Variants in COMMD2 observed in about 807,000 individuals in gnomAD.
COMMD2 encodes the protein COMM domain-containing protein 2.
In COMMD2, 25 loss-of-function variants were observed where a neutral mutation model predicts 22.5. That is an observed-to-expected ratio of 1.11 (90% CI 0.81 to 1.55). The LOEUF is 1.55. COMMD2 is among the 40% of genes most tolerant of loss of function. The pLI is 0.00. For synonymous variants in COMMD2, 98 were observed against 91.2 expected, an observed-to-expected ratio of 1.07 and a Z score of -0.42; for missense variants, 223 against 232.9, an observed-to-expected ratio of 0.96 and a Z score of 0.28.
chr3:149,750,953 A>G, intron 3 of COMMD2, 102 bp from the exon 4 acceptor site: 2 of 775,488 alleles, frequency 2.6e-6, no homozygotes, highest in Non-Finnish European at 3.8e-6. Flanking sequence ...TATTCTGTCT[A>G]GTAAAAGAAA....
chr3:149,751,643 C>G, intron 2 of COMMD2, 158 bp from the exon 3 acceptor site: 3 of 570,358 alleles, frequency 5.3e-6, no homozygotes, highest in Non-Finnish European at 8.7e-6. Context: ...CTTGTCATTC[C>G]ACTCCCAGCC....
intron 4 of COMMD2, 43 bp from the exon 5 acceptor site, chr3:149,741,761 C>A: frequency 7.1e-7 from 1 of 1,410,108 alleles, no homozygotes; most frequent in Non-Finnish European, 1.0e-6. Flanking sequence ...TATTTAATAA[C>A]CATGCTGAAT....
At position 149,750,999 on chromosome 3, in the gene COMMD2, CTG is replaced by C. The variant is rs568415321; in HGVS notation, c.229-150_229-149del. 9.5e-4 allele frequency: 553 copies of C among 579,866 alleles called. 1 individual carries two copies. Among genetic ancestry groups the C allele is most frequent in the Middle Eastern group, 3.4e-3 (7 of 2,052 alleles). 35.9% of individuals were successfully genotyped at this position (579,866 alleles called of 1,614,324 possible). A position where few individuals can be genotyped will look rare whatever the true frequency, so the allele number is the denominator to read the frequency against. On this transcript the variant is annotated intron_variant, in intron 3 of 4. Coordinates refer to ENST00000473414, the MANE Select transcript of COMMD2 (RefSeq NM_016094.4). ...TAACCACTGACCACCATTCCAAAATCTGTGTTACCAATACATAAAAGTACTTT... is the reference window on the plus strand; with the variant it reads ...TAACCACTGACCACCATTCCAAAATCTGTTACCAATACATAAAAGTACTTT...
rs1469890364 is a variant in COMMD2 at position 149,741,474 on chromosome 3, C to T, written c.*47G>A. 8 of 1,422,174 alleles carry T rather than the reference C, an allele frequency of 5.6e-6. No homozygotes were observed. Among genetic ancestry groups the T allele is most frequent in the Non-Finnish European group, 5.0e-6 (5 of 1,006,324 alleles). 88.1% of individuals were successfully genotyped at this position (1,422,174 alleles called of 1,614,324 possible). On this transcript the variant is annotated 3_prime_UTR_variant, in exon 5 of 5. Coordinates refer to ENST00000473414, the MANE Select transcript of COMMD2 (RefSeq NM_016094.4). Reference sequence around the variant, plus strand: ...ATTTTGAAAAGTAATTGCTGTATATCATCAATTCATAAGTGATTCAAATGA... The same window carrying T: ...ATTTTGAAAAGTAATTGCTGTATATTATCAATTCATAAGTGATTCAAATGA...
At chr3:149,744,888 G>A (rs1021664716) in intron 4 of COMMD2, among the ~76,000 whole-genome samples, 4 of 152,132 alleles carry the variant, frequency 2.6e-5, no homozygotes, top group Admixed American at 6.5e-5. Flanking sequence ...TAGCAATAGC[G>A]CAGTGATTCA....
In COMMD2 at chr3:149,739,482, G is replaced by A. The variant is rs1214382942; in HGVS notation, c.*2039C>T. 6.6e-6 allele frequency: 1 copy of A among 152,192 alleles called. No homozygotes were observed. The highest frequency in any genetic ancestry group is 1.5e-5 in the Non-Finnish European group (1 of 68,034). 9.4% of individuals were successfully genotyped at this position (152,192 alleles called of 1,614,324 possible). ...AGTACAGTGAAAGGAGGCCAAGGCAGGTTGATAAAAATTAAAAAAGGATTA... is the reference window on the plus strand; with the variant it reads ...AGTACAGTGAAAGGAGGCCAAGGCAAGTTGATAAAAATTAAAAAAGGATTA... On this transcript the variant is annotated 3_prime_UTR_variant, in exon 5 of 5. Coordinates refer to ENST00000473414, the MANE Select transcript of COMMD2 (RefSeq NM_016094.4).
intron 4 of COMMD2, among the ~76,000 whole-genome samples, chr3:149,742,189 A>AAAATATGT (rs1299469594): frequency 6.6e-6 from 1 of 152,254 alleles, no homozygotes; most frequent in Non-Finnish European, 1.5e-5. Flanking sequence ...TGAATATAGA[A>AAAATATGT]AAATATGTTC....
At position 149,752,295 on chromosome 3, in the gene COMMD2, G is replaced by C; in HGVS notation, c.68-8C>G. On this transcript the variant is annotated splice_region_variant and splice_polypyrimidine_tract_variant and intron_variant, in intron 1 of 4. Coordinates refer to ENST00000473414, the MANE Select transcript of COMMD2 (RefSeq NM_016094.4). ...GCCCAAACTCGGCGACCACTGCAAT[G>C]AAAGTCAGAAGGCTGTTGAGTGCCA... 1 of 1,614,094 alleles carries C rather than the reference G, an allele frequency of 6.2e-7. No homozygotes were observed. The highest frequency in any genetic ancestry group is 8.5e-7 in the Non-Finnish European group (1 of 1,179,938).
chr3:149,752,325 C>G (rs899720076), intron 1 of COMMD2, 38 bp from the exon 2 acceptor site: 1 of 1,613,728 alleles, frequency 6.2e-7, no homozygotes, highest in Non-Finnish European at 8.5e-7. Context: ...GTGCCAGGCG[C>G]TGCCTTTGAC....
Position 149,740,049 on chromosome 3 carries a change from G to A in COMMD2, c.*1472C>T, listed in dbSNP as rs1398446848. 1 of 152,176 alleles carries A rather than the reference G, an allele frequency of 6.6e-6. No homozygotes were observed. Among genetic ancestry groups the A allele is most frequent in the Non-Finnish European group, 1.5e-5 (1 of 68,030 alleles). 9.4% of individuals were successfully genotyped at this position (152,176 alleles called of 1,614,324 possible). A position where few individuals can be genotyped will look rare whatever the true frequency, so the allele number is the denominator to read the frequency against. ...AAGCAAAGTATTGACAAAGTCTAGA[G>A]CGCAGTTTAGAGTTTGATTGCTTCT... On this transcript the variant is annotated 3_prime_UTR_variant, in exon 5 of 5. Coordinates refer to ENST00000473414, the MANE Select transcript of COMMD2 (RefSeq NM_016094.4).
At position 149,752,370 on chromosome 3, in the gene COMMD2, C is replaced by T; in HGVS notation, c.67+8G>A. On this transcript the variant is annotated splice_region_variant and intron_variant, in intron 1 of 4. Coordinates refer to ENST00000473414, the MANE Select transcript of COMMD2 (RefSeq NM_016094.4). ...AGCCCACAGAACACCGCCCCCACGCCCGCTGACCCGCGCTGTCCACTTGAG... is the reference window on the plus strand; with the variant it reads ...AGCCCACAGAACACCGCCCCCACGCTCGCTGACCCGCGCTGTCCACTTGAG... The T allele has an allele frequency of 6.2e-7, 1 of 1,614,174 alleles. No individual in the cohort carries two copies. The highest frequency in any genetic ancestry group is 8.5e-7 in the Non-Finnish European group (1 of 1,179,994).
rs772114958 is a variant in COMMD2, at chr3:149,750,824, CAG to C, written c.254_255del (p.Ser85CysfsTer8). The C allele has an allele frequency of 3.5e-5, 56 of 1,588,362 alleles. No individual in the cohort carries two copies. Among genetic ancestry groups the C allele is most frequent in the Non-Finnish European group, 4.6e-5 (54 of 1,166,418 alleles). On this transcript the variant is annotated frameshift_variant, in exon 4 of 5. Coordinates refer to ENST00000473414, the MANE Select transcript of COMMD2 (RefSeq NM_016094.4). LOFTEE classifies it high-confidence loss of function. ...LMISELDFQDSVFVLGFSEEL... is the reference protein window; with the variant it reads ...LMISELDFQDXVFVLGFSEEL... ...TCTTCAGAGAATCCCAGAACAAAAACAGAGTCTTGGAAATCCAGTTCAGAAAT... is the reference window on the plus strand; with the variant it reads ...TCTTCAGAGAATCCCAGAACAAAAACAGTCTTGGAAATCCAGTTCAGAAAT...
rs771993406 is a variant in COMMD2, at chr3:149,750,827, A to C, written c.253T>G (p.Ser85Ala). 3 of 1,583,308 alleles carry C rather than the reference A, an allele frequency of 1.9e-6. No homozygotes were observed. In the Admixed American group the frequency reaches 5.4e-5, roughly 29 times the overall value. ...TCAGAGAATCCCAGAACAAAAACAG[A>C]GTCTTGGAAATCCAGTTCAGAAATC... ...LMISELDFQD[S>A]VFVLGFSEEL... Residue 85 changes from serine to alanine, a missense_variant, in exon 4 of 5, where the codon TCT becomes GCT. Ser to Ala is a moderately conservative substitution (Grantham distance 99). Transcript: ENST00000473414.
chr3:149,751,853 A>T, intron 2 of COMMD2: 1 of 274,600 alleles, frequency 3.6e-6, no homozygotes, highest in Non-Finnish European at 6.7e-6. Flanking sequence ...TTTTTAGCAA[A>T]AGCGGATATC....
At position 149,752,468 on chromosome 3, in the gene COMMD2, C is replaced by T. The variant is rs777401512; in HGVS notation, c.-24G>A. The T allele has an allele frequency of 1.2e-6, 2 of 1,602,114 alleles. No homozygotes were observed. Among genetic ancestry groups the T allele is most frequent in the Non-Finnish European group, 1.7e-6 (2 of 1,173,300 alleles). On this transcript the variant is annotated 5_prime_UTR_variant, in exon 1 of 5. Transcript: ENST00000473414. ...ATCTTCACTGTCCTACGATTTCACC[C>T]GGCAGCGCCGACCCCGCCTTCGCCA...
At chr3:149,745,664 G>A (rs1414154327) in intron 4 of COMMD2, among the ~76,000 whole-genome samples, 1 of 152,186 alleles carries the variant, frequency 6.6e-6, no homozygotes, top group Non-Finnish European at 1.5e-5. Context: ...AACAAGGATG[G>A]ATTAATGGGA....
chr3:149,743,424 A>C (rs1716290149), intron 4 of COMMD2, among the ~76,000 whole-genome samples: 1 of 152,196 alleles, frequency 6.6e-6, no homozygotes, highest in African/African-American at 2.4e-5. Context: ...TCATGTCAAG[A>C]AGACTAGATT....
Position 149,751,507 on chromosome 3 carries a change from G to A in COMMD2, c.146-22C>T, listed in dbSNP as rs1435867161. 12 of 1,564,780 alleles carry A rather than the reference G, an allele frequency of 7.7e-6. No homozygotes were observed. The Admixed American group carries it at 1.1e-4, about 15-fold the overall frequency. On this transcript the variant is annotated intron_variant, in intron 2 of 4. Transcript: ENST00000473414. The stretch of plus-strand genomic sequence containing the variant: ...TTTCCTGAGAAAGAAAAGTAAAAAC[G>A]AGCAAATAAATTACTACTGTAGTAT...
At chr3:149,749,246 C>T (rs1050498943) in intron 4 of COMMD2, among the ~76,000 whole-genome samples, 2 of 152,308 alleles carry the variant, frequency 1.3e-5, no homozygotes, top group South Asian at 2.1e-4. Context: ...TCAAGCTATC[C>T]GCCTGCCTTG....
Sources: gnomAD v4.1 joint callset for allele counts (sites outside exome capture counted in the v4.1 genomes callset) on GRCh38, gnomAD v4.1.1 for gene constraint, MANE v1.5 for transcripts, NCBI Gene and HGNC (gene_info 2026-07-23, HGNC 2026-07-21) for gene names.